The following SMC6 variants were observed in gnomAD, a reference collection of about 807,000 sequenced individuals.
The protein encoded by SMC6 is structural maintenance of chromosomes 6.
A neutral mutation model predicts 142.2 loss-of-function variants in SMC6; 79 were observed. That is an observed-to-expected ratio of 0.56 (90% CI 0.46 to 0.67). SMC6 has a LOEUF of 0.67. SMC6 is among the 30% of genes least tolerant of loss of function. The pLI, the probability that SMC6 is intolerant of heterozygous loss-of-function variation, is 0.00. For synonymous variants in SMC6, 411 were observed against 412.4 expected (o/e 1.00, Z 0.04); for missense variants, 1,072 against 1,284.0 (o/e 0.83, Z 2.52).
At chr2:17,685,154 A>C (rs773773247) in intron 23 of SMC6, among the ~76,000 whole-genome samples, 25 of 152,106 alleles carry the variant, frequency 1.6e-4, no homozygotes, top group Non-Finnish European at 5.9e-5. Context: ...ATGGTTAGAC[A>C]AAATGATAAC....
intron 8 of SMC6, 135 bp downstream of exon 8, chr2:17,726,244 TAATCTAGGAA>T (rs1669618543): frequency 2.1e-6 from 1 of 478,630 alleles, no homozygotes; most frequent in African/African-American, 2.2e-5. Flanking sequence ...AACAATTTCC[TAATCTAGGAA>T]ATTGAATTAC....
intron 5 of SMC6, among the ~76,000 whole-genome samples, chr2:17,734,030 T>C (rs1670028981): frequency 6.6e-6 from 1 of 152,150 alleles, no homozygotes; most frequent in Non-Finnish European, 1.5e-5. Flanking sequence ...GAGAGCATAG[T>C]GCACACACAC....
intron 25 of SMC6, among the ~76,000 whole-genome samples, 192 bp from the exon 26 acceptor site, chr2:17,670,767 T>C (rs935327134): frequency 1.3e-5 from 2 of 152,352 alleles, no homozygotes; most frequent in East Asian, 3.8e-4. Context: ...ATGGTACTTC[T>C]TGCTCTACTG....
At chr2:17,667,030 T>C (rs536845418) in intron 26 of SMC6, among the ~76,000 whole-genome samples, 1 of 152,328 alleles carries the variant, frequency 6.6e-6, no homozygotes, top group Admixed American at 6.5e-5. Context: ...AATAAATATG[T>C]CTTTCAGGTA....
intron 9 of SMC6, among the ~76,000 whole-genome samples, chr2:17,724,219 T>C (rs1424939057): frequency 6.6e-6 from 1 of 152,220 alleles, no homozygotes; most frequent in African/African-American, 2.4e-5. Context: ...TGTGCTTTAG[T>C]ATTTTTGTGG....
At position 17,741,701 on chromosome 2, in the gene SMC6, C is replaced by T. The variant is rs1453991091; in HGVS notation, c.149G>A (p.Ser50Asn). 1 of 1,609,744 alleles carries T rather than the reference C, an allele frequency of 6.2e-7. No homozygotes were observed. The highest frequency in any genetic ancestry group is 2.2e-5 in the East Asian group (1 of 44,726). Residue 50 changes from serine (S) to asparagine (N), a missense_variant, in exon 4 of 28, where the codon AGT becomes AAT. Transcript: ENST00000448223. The part of the protein sequence containing the change: ...LTAAEVGIIE[S>N]IHLKNFMCHS... ...ACACATGAAGTTTTTTAGGTGAATA[C>T]TCTCAATTATTCCAACTTCTGCTGC...
At chr2:17,687,674 G>C (rs1280959578) in intron 23 of SMC6, among the ~76,000 whole-genome samples, 1 of 152,104 alleles carries the variant, frequency 6.6e-6, no homozygotes, top group Non-Finnish European at 1.5e-5. Flanking sequence ...ATGAAAGAGG[G>C]AGAACATTTC....
chr2:17,746,169 G>T, intron 2 of SMC6: 1 of 424,664 alleles, frequency 2.4e-6, no homozygotes, highest in Non-Finnish European at 4.0e-6. Flanking sequence ...TCCCCTAGAG[G>T]CCCTAAAACA....
In SMC6 at chr2:17,749,304, T is replaced by TA. The variant is rs199981827; in HGVS notation, c.-5-3354dup. ...AATATTTCTTTACTTATTTATAATT[T>TA]AAAAAAAACAGAATTAAAGAACACC... is the stretch of plus-strand genomic sequence containing the variant. On this transcript the variant is annotated intron_variant, in intron 2 of 27. Coordinates refer to ENST00000448223, the MANE Select transcript of SMC6 (RefSeq NM_001142286.2). Among the ~76,000 whole-genome samples, 1,076 of 152,010 alleles carry TA rather than the reference T, an allele frequency of 7.1e-3. 14 individuals are homozygous for TA. The highest frequency in any genetic ancestry group is 0.022 in the African/African-American group (893 of 41,470).
chr2:17,726,587 C>A, intron 7 of SMC6, 118 bp from the exon 8 acceptor site: 2 of 684,242 alleles, frequency 2.9e-6, no homozygotes, highest in Non-Finnish European at 4.9e-6. Context: ...AAGCAATAGC[C>A]AAAGGTTATA....
intron 4 of SMC6, among the ~76,000 whole-genome samples, chr2:17,738,939 G>A (rs985149698): frequency 1.3e-5 from 2 of 152,084 alleles, no homozygotes; most frequent in African/African-American, 4.8e-5. Flanking sequence ...GTGAGCCACT[G>A]GGCCCAGCCA....
chr2:17,703,197 T>A lies in SMC6; in HGVS notation c.2102A>T (p.Glu701Val). The A allele has an allele frequency of 6.4e-7, 1 of 1,551,808 alleles. No homozygotes were observed. Among genetic ancestry groups the A allele is most frequent in the African/African-American group, 1.4e-5 (1 of 72,784 alleles). Residue 701 changes from glutamate (E) to valine (V), a missense_variant, in exon 19 of 28, where the codon GAA becomes GTA. Glu to Val is a moderately radical substitution (Grantham distance 121). Around this residue, in one of 3 missense-constraint regions of SMC6, gnomAD observed 994 missense variants for 1,153.2 expected, o/e 0.86. Coordinates refer to ENST00000448223, the MANE Select transcript of SMC6 (RefSeq NM_001142286.2). The part of the protein sequence containing the change: ...ALEKDIKHNE[E>V]LLKRCQLHYK... ...ATGTAGTTGGCACCTTTTAAGAAGT[T>A]CCTCATTGTGTTTAATATCTTTTTC...
intron 25 of SMC6, among the ~76,000 whole-genome samples, chr2:17,673,553 T>A (rs902231882): frequency 3.3e-5 from 5 of 150,758 alleles, no homozygotes; most frequent in African/African-American, 4.9e-5. Flanking sequence ...GTTTATTATT[T>A]AAAAAAAAAT....
intron 25 of SMC6, among the ~76,000 whole-genome samples, chr2:17,673,848 C>G (rs1421053957): frequency 6.6e-6 from 1 of 152,076 alleles, no homozygotes; most frequent in East Asian, 1.9e-4. Context: ...GGATTATAGG[C>G]ATGAGCCACC....
chr2:17,738,388 T>C (rs1243785517), intron 4 of SMC6, 62 bp from the exon 5 acceptor site: 9 of 1,111,384 alleles, frequency 8.1e-6, no homozygotes, highest in South Asian at 1.6e-5. Flanking sequence ...AGCTGACTCC[T>C]ACCATGTAAT....
intron 23 of SMC6, among the ~76,000 whole-genome samples, chr2:17,686,818 A>C (rs1176574527): frequency 6.6e-6 from 1 of 152,240 alleles, no homozygotes; most frequent in Non-Finnish European, 1.5e-5. Flanking sequence ...GATGTCAAAC[A>C]ACCACAGATT....
intron 23 of SMC6, among the ~76,000 whole-genome samples, chr2:17,689,201 T>C (rs1270938012): frequency 6.6e-6 from 1 of 152,180 alleles, no homozygotes; most frequent in East Asian, 1.9e-4. Context: ...CAGAAAACGA[T>C]ACATCATCAT....
intron 2 of SMC6, among the ~76,000 whole-genome samples, chr2:17,747,609 G>A (rs1174086009): frequency 2.0e-5 from 3 of 150,828 alleles, no homozygotes; most frequent in Admixed American, 6.6e-5. Flanking sequence ...GGGTTCAAGC[G>A]ATTCTCTTGC....
At chr2:17,731,042 G>A in intron 7 of SMC6, 36 bp downstream of exon 7, 7 of 1,526,762 alleles carry the variant, frequency 4.6e-6, no homozygotes, top group Non-Finnish European at 6.3e-6. Flanking sequence ...ATGACAAGGT[G>A]TATGAATTAA....
Sources: allele counts gnomAD v4.1 joint callset (sites outside exome capture counted in the v4.1 genomes callset), GRCh38; gene constraint gnomAD v4.1.1; regional missense constraint gnomAD v4.1.1; transcripts MANE v1.5; gene names NCBI Gene and HGNC (gene_info 2026-07-23, HGNC 2026-07-21).